MLH3: variants seen among roughly 807,000 people sequenced by gnomAD.
MLH3 encodes DNA mismatch repair protein Mlh3.
In MLH3, 82 loss-of-function variants were observed where a neutral mutation model predicts 122.2. The ratio of observed to expected loss-of-function variants is 0.67; its 90% CI spans 0.56 to 0.81. MLH3 has a LOEUF of 0.81. MLH3 is among the 30% of genes least tolerant of loss of function. MLH3 has a pLI of 0.00. For missense variants in MLH3, 1,539 were observed against 1,714.5 expected (o/e 0.90, Z 1.81); for synonymous variants, 524 against 599.5 (o/e 0.87, Z 1.84).
At chr14:75,035,828 T>C (rs1387569391) in intron 6 of MLH3, among the ~76,000 whole-genome samples, 1 of 151,974 alleles carries the variant, frequency 6.6e-6, no homozygotes, top group Non-Finnish European at 1.5e-5. Context: ...CCCTTGCAAA[T>C]GTGCTCAAGT....
In MLH3 at chr14:75,042,437, AACAAG is replaced by A; in HGVS notation, c.3316_3320del (p.Leu1106SerfsTer18). The A allele has an allele frequency of 1.2e-6, 2 of 1,614,238 alleles. No individual in the cohort carries two copies. The highest frequency in any genetic ancestry group is 1.7e-6 in the Non-Finnish European group (2 of 1,180,038). On this transcript the variant is annotated frameshift_variant, in exon 3 of 13. Coordinates refer to ENST00000355774, the MANE Select transcript of MLH3 (RefSeq NM_001040108.2). LOFTEE classifies it high-confidence loss of function. Reference sequence around the variant, plus strand: ...CTCGAGCTCTCGGAAGGAAAGGAAGAACAAGGTCGCTTCTAAAAGGTTGACACCTG... The same window carrying A: ...CTCGAGCTCTCGGAAGGAAAGGAAGAGTCGCTTCTAAAAGGTTGACACCTG...
Position 75,046,528 on chromosome 14 carries a change from T to C in MLH3, c.3128A>G (p.Asp1043Gly). The C allele has an allele frequency of 6.2e-7, 1 of 1,614,196 alleles. No individual in the cohort carries two copies. Among genetic ancestry groups the C allele is most frequent in the Non-Finnish European group, 8.5e-7 (1 of 1,180,030 alleles). Residue 1043 changes from aspartate to glycine, a missense_variant, in exon 2 of 13, where the codon GAT becomes GGT. Asp to Gly is a moderately conservative substitution (Grantham distance 94). Coordinates refer to ENST00000355774, the MANE Select transcript of MLH3 (RefSeq NM_001040108.2). ...ETEESNTCCS[D>G]WQRHFDVALG... is the part of the protein sequence containing the mutation. ...GGCTACATCGAAATGCCGCTGCCAATCTGAACAACACGTGTTTGACTCTTC... is the reference window on the plus strand; with the variant it reads ...GGCTACATCGAAATGCCGCTGCCAACCTGAACAACACGTGTTTGACTCTTC...
chr14:75,041,544 A>G (rs1891852543), intron 4 of MLH3, 71 bp downstream of exon 4: 7 of 1,240,330 alleles, frequency 5.6e-6, no homozygotes, highest in Non-Finnish European at 8.3e-6. Context: ...GCAAAACTCC[A>G]TCTCAAAATT....
At chr14:75,050,008 C>T (rs1452246323) in intron 1 of MLH3, among the ~76,000 whole-genome samples, 5 of 152,100 alleles carry the variant, frequency 3.3e-5, no homozygotes, top group East Asian at 1.9e-4. Flanking sequence ...ACACAGTATT[C>T]GAAATTCTAA....
At chr14:75,029,754 C>T (rs111778460) in intron 9 of MLH3, among the ~76,000 whole-genome samples, 2,987 of 152,166 alleles carry the variant, frequency 0.02, 59 homozygotes, top group African/African-American at 0.047. Context: ...AGGCTGGTCT[C>T]GAACTCCCGA....
intron 6 of MLH3, among the ~76,000 whole-genome samples, chr14:75,037,476 T>A (rs1891499011): frequency 6.6e-6 from 1 of 152,194 alleles, no homozygotes; most frequent in South Asian, 2.1e-4. Context: ...GGGCACTCAA[T>A]TAATACTTGT....
chr14:75,028,891 G>A (rs1305794605), intron 9 of MLH3, among the ~76,000 whole-genome samples: 8 of 151,382 alleles, frequency 5.3e-5, no homozygotes, highest in Non-Finnish European at 7.4e-5. Context: ...GCTCATGCCT[G>A]TAATCCCAGC....
At position 75,021,025 on chromosome 14, in the gene MLH3, C is replaced by T. The variant is rs1003990251; in HGVS notation, c.4090+1789G>A. On this transcript the variant is annotated intron_variant, in intron 11 of 12. Transcript: ENST00000355774. ...CTGAGTAGCTGGGATTACAGGTGCC[C>T]GCCACCACGCCTGGCTAATTTTTAT... is the stretch of plus-strand genomic sequence containing the variant. Among the ~76,000 whole-genome samples the T allele has an allele frequency of 2.6e-5, 4 of 152,128 alleles. No homozygotes were observed. In the East Asian group the frequency reaches 5.8e-4, roughly 22 times the overall value.
In MLH3 at chr14:75,030,725, TA is replaced by T. The variant is rs761256304; in HGVS notation, c.3828-24del. On this transcript the variant is annotated intron_variant, in intron 8 of 12. Transcript: ENST00000355774. ...CACCTAAAGAGATAACCTCAAATGT[TA>T]AAAAAAAAAAGAGTGCTACTTCATT... is the stretch of plus-strand genomic sequence containing the variant. 0.043 allele frequency: 44,480 copies of T among 1,036,468 alleles called. 7 individuals carry two copies. Among genetic ancestry groups the T allele is most frequent in the South Asian group, 0.053 (2,445 of 45,886 alleles). 64.2% of individuals were successfully genotyped at this position (1,036,468 alleles called of 1,614,324 possible).
chr14:75,024,492 C>A (rs760904238), intron 9 of MLH3, among the ~76,000 whole-genome samples: 3 of 151,330 alleles, frequency 2.0e-5, no homozygotes, highest in Non-Finnish European at 4.4e-5. Flanking sequence ...TGAGCCACTG[C>A]ACCTGGCCGT....
intron 1 of MLH3, chr14:75,050,846 C>T (rs889760478): frequency 1.3e-5 from 2 of 152,182 alleles, no homozygotes; most frequent in Non-Finnish European, 2.9e-5. Context: ...ACAAAAAAAA[C>T]CAAACCCTAA....
intron 11 of MLH3, 53 bp downstream of exon 11, chr14:75,022,761 G>T (rs1179474390): frequency 1.3e-6 from 2 of 1,518,300 alleles, no homozygotes; most frequent in African/African-American, 2.7e-5. Context: ...CGGCAGCCCT[G>T]CCAGGGCTCT....
intron 12 of MLH3, among the ~76,000 whole-genome samples, chr14:75,018,035 C>T (rs1890011307): frequency 6.6e-6 from 1 of 152,100 alleles, no homozygotes; most frequent in Non-Finnish European, 1.5e-5. Context: ...ATCCCAGCTA[C>T]TCGGGAGGCT....
At chr14:75,018,806 G>A in intron 12 of MLH3, 23 bp downstream of exon 12, 1 of 1,613,180 alleles carries the variant, frequency 6.2e-7, no homozygotes, top group Non-Finnish European at 8.5e-7. Flanking sequence ...GCTCCCTCCT[G>A]CTCCTGTTAG....
chr14:75,048,345 A>G lies in MLH3; in HGVS notation c.1311T>C (p.Asp437=), dbSNP rs377664382. The change falls in exon 2 of 13, where the codon GAT becomes GAC. Residue 437 remains aspartate, a synonymous_variant. Transcript: ENST00000355774. The part of the protein sequence containing the change: ...DSEATRKNTN[D]AFLYIYESGG... ...CTGATTCATAAATGTACAAAAATGC[A>G]TCATTTGTATTTTTTCTGGTAGCTT... 8.7e-6 allele frequency: 14 copies of G among 1,613,856 alleles called. No homozygotes were observed. Among genetic ancestry groups the G allele is most frequent in the Middle Eastern group, 1.6e-4 (1 of 6,062 alleles).
rs751187672 is a variant in MLH3, at chr14:75,046,964, C to T, written c.2692G>A (p.Glu898Lys). ...CTACTGGAATCTGAATTTGGAAGTTCATTAAAACGACTCATCATCCCCATT... is the reference window on the plus strand; with the variant it reads ...CTACTGGAATCTGAATTTGGAAGTTTATTAAAACGACTCATCATCCCCATT... ...QTMGMMSRFNELPNSDSSRKD... is the reference protein window; with the variant it reads ...QTMGMMSRFNKLPNSDSSRKD... Residue 898 changes from glutamate (E) to lysine (K), a missense_variant, in exon 2 of 13, where the codon GAA becomes AAA. By Grantham distance (56) the Glu-to-Lys change is moderately conservative. Transcript: ENST00000355774. 1.3e-6 allele frequency: 2 copies of T among 1,567,980 alleles called. No individual in the cohort carries two copies. Among genetic ancestry groups the T allele is most frequent in the Non-Finnish European group, 1.7e-6 (2 of 1,147,118 alleles).
intron 9 of MLH3, among the ~76,000 whole-genome samples, chr14:75,028,564 C>G (rs1251231661): frequency 6.6e-6 from 1 of 151,758 alleles, no homozygotes; most frequent in Non-Finnish European, 1.5e-5. Context: ...ATTACAGGCA[C>G]ATACCATCAT....
chr14:75,034,139 G>A (rs1891231215), intron 6 of MLH3, among the ~76,000 whole-genome samples: 1 of 150,738 alleles, frequency 6.6e-6, no homozygotes, highest in Non-Finnish European at 1.5e-5. Flanking sequence ...GTTGCAGTGA[G>A]CCGAGATTGC....
intron 9 of MLH3, among the ~76,000 whole-genome samples, chr14:75,024,719 CAA>C (rs1376677745): frequency 6.6e-6 from 1 of 152,200 alleles, no homozygotes; most frequent in Non-Finnish European, 1.5e-5. Flanking sequence ...CAGAATCACA[CAA>C]AGTCTCTCCT....
Sources: allele counts gnomAD v4.1 joint callset (sites outside exome capture counted in the v4.1 genomes callset), GRCh38; gene constraint gnomAD v4.1.1; transcripts MANE v1.5; gene names NCBI Gene and HGNC (gene_info 2026-07-23, HGNC 2026-07-21).